CR1: variants seen among roughly 807,000 people sequenced by gnomAD.
CR1 encodes the protein complement receptor type 1.
A neutral mutation model predicts 187.3 loss-of-function variants in CR1; 116 were observed. The observed-to-expected ratio is 0.62, with a 90% CI of 0.53 to 0.72. CR1 has a LOEUF of 0.72. Ranked by LOEUF, CR1 falls within the 30% of genes least tolerant of loss-of-function variation. The probability of loss-of-function intolerance (pLI) is 0.00; values close to 1 mark genes in which losing one functional copy is unlikely to be tolerated. For synonymous variants in CR1, 576 were observed against 747.1 expected (o/e 0.77, Z 3.73); for missense variants, 1,731 against 2,110.7 (o/e 0.82, Z 3.52).
chr1:207,508,333 C>A (rs143744362), intron 3 of CR1, among the ~76,000 whole-genome samples: 10 of 152,126 alleles, frequency 6.6e-5, no homozygotes, highest in African/African-American at 2.4e-4. Context: ...TCCTCAATTG[C>A]GAAAAACGTA....
chr1:207,616,301 A>T (rs139635181), intron 40 of CR1, among the ~76,000 whole-genome samples: 12 of 152,310 alleles, frequency 7.9e-5, no homozygotes, highest in African/African-American at 2.4e-4. Context: ...TTTTTAAAAA[A>T]AATAAAAACA....
At chr1:207,573,983 A>G (rs1660656758) in intron 27 of CR1, among the ~76,000 whole-genome samples, 1 of 152,128 alleles carries the variant, frequency 6.6e-6, no homozygotes, top group South Asian at 2.1e-4. Context: ...AAGTATAAAA[A>G]TTAGCTGGGC....
chr1:207,522,863 G>T (rs1283921896), intron 4 of CR1, among the ~76,000 whole-genome samples: 2 of 152,060 alleles, frequency 1.3e-5, no homozygotes, highest in African/African-American at 4.8e-5. Flanking sequence ...CTAGTTTATA[G>T]CAACACAGTA....
chr1:207,519,147 G>T, intron 4 of CR1, among the ~76,000 whole-genome samples: 1 of 151,610 alleles, frequency 6.6e-6, no homozygotes, highest in Non-Finnish European at 1.5e-5. Context: ...TTTCTTTATT[G>T]TTTTTATATT....
At position 207,588,718 on chromosome 1, in the gene CR1, G is replaced by A. The variant is rs767373194; in HGVS notation, c.5754G>A (p.Val1918=). 7 of 1,613,050 alleles carry A rather than the reference G, an allele frequency of 4.3e-6. No homozygotes were observed. In the Admixed American group the frequency reaches 1.0e-4, roughly 23 times the overall value. The part of the protein sequence containing the change: ...GPPPEPFNGM[V]HINTDTQFGS... ...CACCAGAACCCTTCAATGGAATGGTGCATATAAACACAGATACACAGTTTG... is the reference window on the plus strand; with the variant it reads ...CACCAGAACCCTTCAATGGAATGGTACATATAAACACAGATACACAGTTTG... Residue 1918 remains valine, a synonymous_variant, in exon 35 of 47, where the codon GTG becomes GTA. Transcript: ENST00000367049.
intron 35 of CR1, among the ~76,000 whole-genome samples, chr1:207,596,321 CT>C (rs1457954636): frequency 6.6e-6 from 1 of 151,916 alleles, no homozygotes; most frequent in African/African-American, 2.4e-5. Flanking sequence ...GTCCTTAATA[CT>C]TCTTAAAGTG....
intron 1 of CR1, among the ~76,000 whole-genome samples, chr1:207,501,380 C>T (rs1042800656): frequency 1.3e-5 from 2 of 152,156 alleles, no homozygotes; most frequent in African/African-American, 2.4e-5. Context: ...ACTTCAAATA[C>T]TCATCAATCA....
At chr1:207,600,775 AC>A (rs1312598826) in intron 35 of CR1, 1 of 152,170 alleles carries the variant, frequency 6.6e-6, no homozygotes. Flanking sequence ...GAAAACTGAG[AC>A]AGACAGGTTA....
chr1:207,595,091 G>A (rs1367803095), intron 35 of CR1, among the ~76,000 whole-genome samples: 1 of 150,906 alleles, frequency 6.6e-6, no homozygotes, highest in Non-Finnish European at 1.5e-5. Flanking sequence ...ACACATGGGA[G>A]TCGGAAAAGG....
chr1:207,523,095 G>C (rs1334101262), intron 4 of CR1, among the ~76,000 whole-genome samples: 5 of 152,026 alleles, frequency 3.3e-5, no homozygotes, highest in African/African-American at 1.2e-4. Context: ...ATATCATTTA[G>C]ATTTTCAAAA....
At position 207,506,703 on chromosome 1, in the gene CR1, C is replaced by A. The variant is rs1659445276; in HGVS notation, c.302-11C>A. Reference sequence around the variant, plus strand: ...TCTACTTGGCTCCAAAATTCTGTTTCTTTCCTGTAGGTAAATCATGTCGTA... The same window carrying A: ...TCTACTTGGCTCCAAAATTCTGTTTATTTCCTGTAGGTAAATCATGTCGTA... On this transcript the variant is annotated splice_polypyrimidine_tract_variant and intron_variant, in intron 2 of 46. Coordinates refer to ENST00000367049, the MANE Select transcript of CR1 (RefSeq NM_000651.6). 6 of 1,612,238 alleles carry A rather than the reference C, an allele frequency of 3.7e-6. No homozygotes were observed. The highest frequency in any genetic ancestry group is 4.5e-5 in the East Asian group (2 of 44,876).
At chr1:207,526,094 C>T (rs1660161308) in intron 5 of CR1, among the ~76,000 whole-genome samples, 1 of 152,198 alleles carries the variant, frequency 6.6e-6, no homozygotes, top group South Asian at 2.1e-4. Context: ...TATACACTCT[C>T]ATCATGGTGA....
chr1:207,584,747 G>T lies in CR1; in HGVS notation c.5401G>T (p.Asp1801Tyr). Reference sequence around the variant, plus strand: ...TGGAAAAGAAATATCTTACACATGTGACCCCCACCCAGACAGAGGGATGAC... The same window carrying T: ...TGGAAAAGAAATATCTTACACATGTTACCCCCACCCAGACAGAGGGATGAC... ...PYGKEISYTC[D>Y]PHPDRGMTFN... Residue 1801 changes from aspartate to tyrosine, a missense_variant, in exon 33 of 47, where the codon GAC becomes TAC. By Grantham distance (160) the Asp-to-Tyr change is radical (BLOSUM62 -3). Coordinates refer to ENST00000367049, the MANE Select transcript of CR1 (RefSeq NM_000651.6). The T allele has an allele frequency of 6.2e-7, 1 of 1,613,812 alleles. No individual in the cohort carries two copies. Among genetic ancestry groups the T allele is most frequent in the East Asian group, 2.2e-5 (1 of 44,878 alleles).
At chr1:207,609,807 T>C (rs756333764) in intron 37 of CR1, 119 bp downstream of exon 37, 9 of 1,022,498 alleles carry the variant, frequency 8.8e-6, no homozygotes, top group Non-Finnish European at 1.1e-5. Context: ...TAATAGTAGC[T>C]TCACTGTCTG....
In CR1 at chr1:207,505,997, A is replaced by G; in HGVS notation, c.215A>G (p.Glu72Gly). ...EFPIGTYLNY[E>G]CRPGYSGRPF... ...CCCATTGGGACATATCTGAACTATGAATGCCGCCCTGGTTATTCCGGAAGA... is the reference window on the plus strand; with the variant it reads ...CCCATTGGGACATATCTGAACTATGGATGCCGCCCTGGTTATTCCGGAAGA... Residue 72 changes from glutamate to glycine, a missense_variant, in exon 2 of 47, where the codon GAA becomes GGA. Glu to Gly is a moderately conservative substitution (Grantham distance 98). Coordinates refer to ENST00000367049, the MANE Select transcript of CR1 (RefSeq NM_000651.6). 1 of 1,613,970 alleles carries G rather than the reference A, an allele frequency of 6.2e-7. No homozygotes were observed. Among genetic ancestry groups the G allele is most frequent in the Non-Finnish European group, 8.5e-7 (1 of 1,179,878 alleles).
At chr1:207,594,774 T>A (rs111501391) in intron 35 of CR1, among the ~76,000 whole-genome samples, 5 of 152,296 alleles carry the variant, frequency 3.3e-5, no homozygotes, top group African/African-American at 1.2e-4. Context: ...CTGGACGATT[T>A]AAACTGCTTT....
chr1:207,518,961 C>T (rs371022303), intron 4 of CR1, among the ~76,000 whole-genome samples: 17 of 152,218 alleles, frequency 1.1e-4, no homozygotes, highest in East Asian at 9.6e-4. Context: ...TGTCTTTCCT[C>T]TTTGTTCTAG....
rs778066743 is a variant in CR1 at position 207,584,804 on chromosome 1, T to C, written c.5458T>C (p.Cys1820Arg). 2.5e-6 allele frequency: 4 copies of C among 1,613,844 alleles called. No homozygotes were observed. Among genetic ancestry groups the C allele is most frequent in the South Asian group, 1.1e-5 (1 of 91,066 alleles). The stretch of plus-strand genomic sequence containing the variant: ...CCTCATTGGGGAGAGCACCATCCGC[T>C]GCACAAGTGACCCTCATGGGAATGG... ...FNLIGESTIR[C>R]TSDPHGNGVW... Residue 1820 changes from cysteine to arginine, a missense_variant, in exon 33 of 47, where the codon TGC (cysteine) becomes CGC (arginine). By Grantham distance (180) the Cys-to-Arg change is radical. Transcript: ENST00000367049.
At position 207,602,023 on chromosome 1, in the gene CR1, C is replaced by T. The variant is rs1410795017; in HGVS notation, c.5811-5228C>T. ...TTGCAGTGCTTTTTGTGGTTAGCCT[C>T]TGAAGTTGCACACTATATCATTTCC... On this transcript the variant is annotated intron_variant, in intron 35 of 46. Transcript: ENST00000367049. Among the ~76,000 whole-genome samples, 8 of 152,168 alleles carry T rather than the reference C, an allele frequency of 5.3e-5. No individual in the cohort carries two copies. The East Asian group carries it at 1.5e-3, about 29-fold the overall frequency.
Sources: allele counts gnomAD v4.1 joint callset (sites outside exome capture counted in the v4.1 genomes callset), GRCh38; gene constraint gnomAD v4.1.1; transcripts MANE v1.5; gene names NCBI Gene and HGNC (gene_info 2026-07-23, HGNC 2026-07-21).